CSH1: variants seen among roughly 807,000 people sequenced by gnomAD.
CSH1 encodes chorionic somatomammotropin hormone 1.
Under a neutral mutation model 19.4 loss-of-function variants are expected in CSH1, and 17 were observed. That is an observed-to-expected ratio of 0.88 (90% CI 0.60 to 1.31). CSH1 has a LOEUF of 1.31. Among genes scored for constraint, CSH1 ranks in the 40% most tolerant of loss-of-function variants. CSH1 has a pLI of 0.00. For synonymous variants in CSH1, 72 were observed against 104.6 expected, an observed-to-expected ratio of 0.69 and a Z score of 1.90; for missense variants, 190 against 243.1, an observed-to-expected ratio of 0.78 and a Z score of 1.45.
chr17:63,894,942 C>A lies in CSH1; in HGVS notation c.*80G>T. ...ATGATACAACTTAATTTTATTAGGA[C>A]AAGGCTGGTGGGCACTGGAGTGGCA... On this transcript the variant is annotated 3_prime_UTR_variant, in exon 5 of 5. Transcript: ENST00000316193. 2.5e-6 allele frequency: 4 copies of A among 1,608,338 alleles called. No homozygotes were observed. Among genetic ancestry groups the A allele is most frequent in the Non-Finnish European group, 3.4e-6 (4 of 1,175,954 alleles).
chr17:63,896,466 A>G lies in CSH1; in HGVS notation c.10+36T>C, dbSNP rs575536806. ...ACAGGGCGCTGCCTCTCCCCTCAGGACACGTTGTGCCCAAAGGGATTTTAG... is the reference window on the plus strand; with the variant it reads ...ACAGGGCGCTGCCTCTCCCCTCAGGGCACGTTGTGCCCAAAGGGATTTTAG... On this transcript the variant is annotated intron_variant, in intron 1 of 4. Transcript: ENST00000316193. The G allele has an allele frequency of 2.5e-6, 4 of 1,612,268 alleles. No individual in the cohort carries two copies. In the Admixed American group the frequency reaches 6.7e-5, roughly 27 times the overall value.
At position 63,896,571 on chromosome 17, in the gene CSH1, C is replaced by T. The variant is rs1012334183; in HGVS notation, c.-60G>A. 25 of 1,611,992 alleles carry T rather than the reference C, an allele frequency of 1.6e-5. 1 individual carries two copies. The African/African-American group carries it at 2.8e-4, about 18-fold the overall frequency. On this transcript the variant is annotated 5_prime_UTR_variant, in exon 1 of 5. Coordinates refer to ENST00000316193, the MANE Select transcript of CSH1 (RefSeq NM_001317.6). ...GGTTCGGGGAGTTGGGCCTTGGGATCCTAGAGCCGGTCTCTTGTGGGCCCT... is the reference window on the plus strand; with the variant it reads ...GGTTCGGGGAGTTGGGCCTTGGGATTCTAGAGCCGGTCTCTTGTGGGCCCT...
In CSH1 at chr17:63,896,550, C is replaced by A; in HGVS notation, c.-39G>T. On this transcript the variant is annotated 5_prime_UTR_variant, in exon 1 of 5. Coordinates refer to ENST00000316193, the MANE Select transcript of CSH1 (RefSeq NM_001317.6). Reference sequence around the variant, plus strand: ...GCTGTCCACAGGACCCTGAGTGGTTCGGGGAGTTGGGCCTTGGGATCCTAG... The same window carrying A: ...GCTGTCCACAGGACCCTGAGTGGTTAGGGGAGTTGGGCCTTGGGATCCTAG... 1 of 1,613,364 alleles carries A rather than the reference C, an allele frequency of 6.2e-7. No individual in the cohort carries two copies. Among genetic ancestry groups the A allele is most frequent in the Non-Finnish European group, 8.5e-7 (1 of 1,179,478 alleles).
chr17:63,895,674 G>C, intron 3 of CSH1, 37 bp from the exon 4 acceptor site: 1 of 1,443,134 alleles, frequency 6.9e-7, no homozygotes, highest in Non-Finnish European at 9.2e-7. Flanking sequence ...GTGCTGCCCG[G>C]GAGCCCTGAC....
At position 63,895,528 on chromosome 17, in the gene CSH1, C is replaced by T. The variant is rs1438373095; in HGVS notation, c.401G>A (p.Ser134Asn). Residue 134 changes from serine (S) to asparagine (N), a missense_variant, in exon 4 of 5, where the codon AGC (serine) becomes AAC (asparagine). Physicochemically the swap from Ser to Asn is conservative, Grantham distance 46. This residue lies in a region of CSH1 where 175 missense variants were observed against 187.2 expected (regional missense o/e 0.93). Coordinates refer to ENST00000316193, the MANE Select transcript of CSH1 (RefSeq NM_001317.6). Reference protein sequence around the residue: ...ANNLVYDTSDSDDYHLLKDLE... With the variant: ...ANNLVYDTSDNDDYHLLKDLE... ...GTCCTTTAGGAGGTGATAGTCATCG[C>T]TGTCCGAGGTGTCATACACCAGGTT... 4 of 1,610,030 alleles carry T rather than the reference C, an allele frequency of 2.5e-6. No homozygotes were observed. Among genetic ancestry groups the T allele is most frequent in the Non-Finnish European group, 3.4e-6 (4 of 1,179,112 alleles).
In CSH1 at chr17:63,895,045, C is replaced by T. The variant is rs766343963; in HGVS notation, c.631G>A (p.Val211Met). ...TFLRMVQCRS[V>M]EGSCGF ...ACCTAGAAGCCACAGCTGCCCTCCACAGAGCGGCACTGCACCATGCGCAGG... is the reference window on the plus strand; with the variant it reads ...ACCTAGAAGCCACAGCTGCCCTCCATAGAGCGGCACTGCACCATGCGCAGG... The change falls in exon 5 of 5, where the codon GTG (valine) becomes ATG (methionine). Residue 211 changes from valine (V) to methionine (M), a missense_variant. Val to Met is a conservative substitution (Grantham distance 21). Around this residue, in one of 3 missense-constraint regions of CSH1, gnomAD observed 175 missense variants for 187.2 expected, o/e 0.93. Transcript: ENST00000316193. 2 of 1,613,046 alleles carry T rather than the reference C, an allele frequency of 1.2e-6. No individual in the cohort carries two copies. The highest frequency in any genetic ancestry group is 2.2e-5 in the South Asian group (2 of 91,064).
chr17:63,895,436 G>A, intron 4 of CSH1, 37 bp downstream of exon 4: 1 of 1,612,922 alleles, frequency 6.2e-7, no homozygotes, highest in East Asian at 2.2e-5. Context: ...GAAGCCAGTG[G>A]GGTTCCAGGA....
Position 63,895,733 on chromosome 17 carries a change from A to G in CSH1, c.289T>C (p.Ser97Pro). ...PSNMEETQQK[S>P]NLELLRISLL... is the part of the protein sequence containing the mutation. ...TAGGGGAGACGGCATCCACTCACGGATTTCTGTTGCGTTTCCTCCATGTTG... is the reference window on the plus strand; with the variant it reads ...TAGGGGAGACGGCATCCACTCACGGGTTTCTGTTGCGTTTCCTCCATGTTG... Residue 97 changes from serine (S) to proline (P), a missense_variant and splice_region_variant, in exon 3 of 5, where the codon TCC (serine) becomes CCC (proline). This residue lies in a region of CSH1 where 175 missense variants were observed against 187.2 expected (regional missense o/e 0.93). Coordinates refer to ENST00000316193, the MANE Select transcript of CSH1 (RefSeq NM_001317.6). The G allele has an allele frequency of 9.9e-7, 1 of 1,010,932 alleles. No homozygotes were observed. 62.6% of individuals were successfully genotyped at this position (1,010,932 alleles called of 1,614,324 possible).
intron 4 of CSH1, 59 bp downstream of exon 4, chr17:63,895,414 C>T (rs202012877): frequency 6.2e-7 from 1 of 1,612,906 alleles, no homozygotes; most frequent in Non-Finnish European, 8.5e-7. Context: ...GTATTTCTCT[C>T]CCCCAGCCCT....
In CSH1 at chr17:63,895,641, C is replaced by T; in HGVS notation, c.292-4G>A. ...AGATGCGGAGCAGCTCTAGATTCTG[C>T]AGGGGAAGGACCGGCAGTGGCTGTG... On this transcript the variant is annotated splice_region_variant and splice_polypyrimidine_tract_variant and intron_variant, in intron 3 of 4. Coordinates refer to ENST00000316193, the MANE Select transcript of CSH1 (RefSeq NM_001317.6). 2 of 1,528,346 alleles carry T rather than the reference C, an allele frequency of 1.3e-6. No individual in the cohort carries two copies. The highest frequency in any genetic ancestry group is 1.2e-5 in the South Asian group (1 of 85,128). The allele number at this position is 1,528,346 out of a possible 1,614,324, so 94.7% of individuals were successfully genotyped here.
Position 63,894,941 on chromosome 17 carries a change from A to G in CSH1, c.*81T>C. 6.2e-7 allele frequency: 1 copy of G among 1,608,356 alleles called. No homozygotes were observed. ...AATGATACAACTTAATTTTATTAGG[A>G]CAAGGCTGGTGGGCACTGGAGTGGC... On this transcript the variant is annotated 3_prime_UTR_variant, in exon 5 of 5. Transcript: ENST00000316193.
rs770163085 is a variant in CSH1 at position 63,895,121 on chromosome 17, G to C, written c.555C>G (p.Asn185Lys). Residue 185 changes from asparagine to lysine, a missense_variant, in exon 5 of 5, where the codon AAC (asparagine) becomes AAG (lysine). Transcript: ENST00000316193. ...TCCTGAAGCAGTAGAGCAGCCCGTA[G>C]TTCTTGAGCAGTGCGTCATGGTTGT... ...NSHNHDALLK[N>K]YGLLYCFRKD... 6.2e-7 allele frequency: 1 copy of C among 1,612,846 alleles called. No individual in the cohort carries two copies. The highest frequency in any genetic ancestry group is 1.7e-5 in the Admixed American group (1 of 59,918).
rs754127197 is a variant in CSH1, at chr17:63,896,552, G to A, written c.-41C>T. The A allele has an allele frequency of 6.2e-7, 1 of 1,613,402 alleles. No individual in the cohort carries two copies. The highest frequency in any genetic ancestry group is 8.5e-7 in the Non-Finnish European group (1 of 1,179,472). On this transcript the variant is annotated 5_prime_UTR_variant, in exon 1 of 5. Coordinates refer to ENST00000316193, the MANE Select transcript of CSH1 (RefSeq NM_001317.6). ...TGTCCACAGGACCCTGAGTGGTTCG[G>A]GGAGTTGGGCCTTGGGATCCTAGAG... is the stretch of plus-strand genomic sequence containing the variant.
chr17:63,896,432 G>A (rs1906140310), intron 1 of CSH1, 70 bp downstream of exon 1: 8 of 1,602,134 alleles, frequency 5.0e-6, no homozygotes, highest in Non-Finnish European at 6.8e-6. Flanking sequence ...TAGTGCCCCC[G>A]TCCCATCTAC....
Position 63,895,594 on chromosome 17 carries a change from C to G in CSH1, c.335G>C (p.Trp112Ser). 1 of 1,586,284 alleles carries G rather than the reference C, an allele frequency of 6.3e-7. No homozygotes were observed. Among genetic ancestry groups the G allele is most frequent in the Non-Finnish European group, 8.5e-7 (1 of 1,170,454 alleles). ...CCTGAGGAACCGCACGGGCTCCAGCCACGACTCGATGAGCAGCAGGGAGAT... is the reference window on the plus strand; with the variant it reads ...CCTGAGGAACCGCACGGGCTCCAGCGACGACTCGATGAGCAGCAGGGAGAT... ...LRISLLLIESWLEPVRFLRSM... is the reference protein window; with the variant it reads ...LRISLLLIESSLEPVRFLRSM... Residue 112 changes from tryptophan to serine, a missense_variant, in exon 4 of 5, where the codon TGG (tryptophan) becomes TCG (serine). Trp to Ser is a radical substitution (Grantham distance 177). Coordinates refer to ENST00000316193, the MANE Select transcript of CSH1 (RefSeq NM_001317.6).
intron 4 of CSH1, 85 bp from the exon 5 acceptor site, chr17:63,895,304 C>T (rs756655035): frequency 3.1e-6 from 5 of 1,612,808 alleles, no homozygotes; most frequent in Non-Finnish European, 2.5e-6. Flanking sequence ...CCTCCCTCCC[C>T]TTCAGGGTGT....
At position 63,895,462 on chromosome 17, in the gene CSH1, G is replaced by GCCAC; in HGVS notation, c.456+7_456+10dup. On this transcript the variant is annotated intron_variant, in intron 4 of 4. Coordinates refer to ENST00000316193, the MANE Select transcript of CSH1 (RefSeq NM_001317.6). ...GGTTCCAGGATTGGTGACCCCTGGCGCCACCCTCACCCCCATCAGCGTTTG... is the reference window on the plus strand; with the variant it reads ...GGTTCCAGGATTGGTGACCCCTGGCGCCACCCACCCTCACCCCCATCAGCGTTTG... 1 of 1,612,692 alleles carries GCCAC rather than the reference G, an allele frequency of 6.2e-7. No homozygotes were observed. The highest frequency in any genetic ancestry group is 8.5e-7 in the Non-Finnish European group (1 of 1,179,692).
At chr17:63,895,370 G>C (rs757374717) in intron 4 of CSH1, 103 bp downstream of exon 4, 28 of 1,612,658 alleles carry the variant, frequency 1.7e-5, no homozygotes, top group Admixed American at 8.3e-5. Context: ...GAGTTCTCTT[G>C]GGTCAGCGCC....
In CSH1 at chr17:63,895,200, C is replaced by G. The variant is rs558064451; in HGVS notation, c.476G>C (p.Arg159Pro). 1.2e-6 allele frequency: 2 copies of G among 1,612,878 alleles called. No homozygotes were observed. Among genetic ancestry groups the G allele is most frequent in the Non-Finnish European group, 8.5e-7 (1 of 1,179,566 alleles). Residue 159 changes from arginine (R) to proline (P), a missense_variant, in exon 5 of 5, where the codon CGC becomes CCC. Physicochemically the swap from Arg to Pro is moderately radical, Grantham distance 103. Coordinates refer to ENST00000316193, the MANE Select transcript of CSH1 (RefSeq NM_001317.6). ...CTGCTTGAGGATCTGCCCAGTCCGG[C>G]GGCTGCCGTCTTCCAGCCTCTGCAA... ...TLMGRLEDGS[R>P]RTGQILKQTY...
Sources: allele counts gnomAD v4.1 joint callset, GRCh38; gene constraint gnomAD v4.1.1; regional missense constraint gnomAD v4.1.1; transcripts MANE v1.5; gene names NCBI Gene and HGNC (gene_info 2026-07-23, HGNC 2026-07-21).